ADAMTS17: variants seen among roughly 807,000 people sequenced by gnomAD.
ADAMTS17 encodes the protein A disintegrin and metalloproteinase with thrombospondin motifs 17.
Under a neutral mutation model 141.5 loss-of-function variants are expected in ADAMTS17, and 113 were observed. The observed-to-expected ratio is 0.80, with a 90% CI of 0.69 to 0.93. The LOEUF (loss-of-function observed/expected upper bound fraction) is 0.93. Ranked by LOEUF, ADAMTS17 falls within the 40% of genes least tolerant of loss-of-function variation. The pLI is 0.00. For synonymous variants in ADAMTS17, 768 were observed against 630.6 expected, an observed-to-expected ratio of 1.22 and a Z score of -3.27; for missense variants, 1,659 against 1,517.9, an observed-to-expected ratio of 1.09 and a Z score of -1.54.
intron 7 of ADAMTS17, among the ~76,000 whole-genome samples, chr15:100,205,682 T>G (rs944323901): frequency 6.6e-6 from 1 of 152,152 alleles, no homozygotes; most frequent in Middle Eastern, 3.2e-3. Context: ...AATCTCTTAT[T>G]TTGACAAACA....
At chr15:100,337,773 C>A (rs1451594805) in intron 2 of ADAMTS17, among the ~76,000 whole-genome samples, 1 of 152,252 alleles carries the variant, frequency 6.6e-6, no homozygotes, top group East Asian at 1.9e-4. Context: ...AAAACAAGTC[C>A]TCCAGCCACT....
chr15:100,053,768 G>T, intron 16 of ADAMTS17, 129 bp downstream of exon 16: 2 of 1,357,742 alleles, frequency 1.5e-6, no homozygotes, highest in Non-Finnish European at 1.1e-6. Flanking sequence ...GCAGGGGACG[G>T]CATAAACCCC....
At chr15:100,239,481 G>T (rs142819442) in intron 7 of ADAMTS17, among the ~76,000 whole-genome samples, 3 of 147,704 alleles carry the variant, frequency 2.0e-5, no homozygotes, top group African/African-American at 7.5e-5. Flanking sequence ...GCAGATCTCG[G>T]CACCGCTCCC....
chr15:100,339,148 A>T, intron 2 of ADAMTS17: 1 of 985,530 alleles, frequency 1.0e-6, no homozygotes, highest in Non-Finnish European at 1.2e-6. Context: ...CCTGTTGGCC[A>T]GGTTCCTTTA....
intron 8 of ADAMTS17, among the ~76,000 whole-genome samples, chr15:100,167,436 C>T (rs549717008): frequency 7.2e-5 from 11 of 152,178 alleles, no homozygotes; most frequent in South Asian, 2.1e-4. Flanking sequence ...GATGGTCGTG[C>T]GGATGCCGTC....
At chr15:100,209,199 C>G (rs930045037) in intron 7 of ADAMTS17, among the ~76,000 whole-genome samples, 2 of 151,578 alleles carry the variant, frequency 1.3e-5, no homozygotes, top group East Asian at 1.9e-4. Context: ...CTTAGCCCAG[C>G]AAAGCCCATT....
chr15:100,046,157 A>G (rs1378779199), intron 18 of ADAMTS17, among the ~76,000 whole-genome samples: 1 of 152,210 alleles, frequency 6.6e-6, no homozygotes, highest in Non-Finnish European at 1.5e-5. Flanking sequence ...CTGGGATTAC[A>G]GGTGTGTGCC....
At chr15:100,198,654 C>A (rs757975026) in intron 8 of ADAMTS17, among the ~76,000 whole-genome samples, 1 of 152,160 alleles carries the variant, frequency 6.6e-6, no homozygotes, top group African/African-American at 2.4e-5. Context: ...ACCCTCAGGC[C>A]ACAGTTTGAG....
intron 15 of ADAMTS17, among the ~76,000 whole-genome samples, chr15:100,073,858 T>C (rs1004936230): frequency 6.6e-6 from 1 of 151,944 alleles, no homozygotes; most frequent in Non-Finnish European, 1.5e-5. Flanking sequence ...GGCACATGTA[T>C]ACATATGTAA....
At chr15:99,979,079 C>T (rs895183740) in intron 20 of ADAMTS17, 2 of 152,242 alleles carry the variant, frequency 1.3e-5, no homozygotes. Flanking sequence ...GGTAAGGGAG[C>T]AAAGGCTTTC....
intron 15 of ADAMTS17, among the ~76,000 whole-genome samples, chr15:100,087,066 A>G (rs1303959705): frequency 6.6e-6 from 1 of 152,234 alleles, no homozygotes; most frequent in Non-Finnish European, 1.5e-5. Flanking sequence ...GATTTTTTGA[A>G]AAGATCAACA....
At chr15:100,218,701 T>G (rs1022823437) in intron 7 of ADAMTS17, among the ~76,000 whole-genome samples, 1 of 152,190 alleles carries the variant, frequency 6.6e-6, no homozygotes, top group Non-Finnish European at 1.5e-5. Context: ...AATTACCATC[T>G]GATTCAAGCA....
chr15:100,026,297 T>C (rs1006700), intron 18 of ADAMTS17, among the ~76,000 whole-genome samples: 17,556 of 152,298 alleles, frequency 0.12, 2,713 homozygotes, highest in African/African-American at 0.35. Flanking sequence ...ACTGTGGATG[T>C]GCATTTGGGT....
At chr15:100,006,413 G>C (rs2061037183) in intron 18 of ADAMTS17, among the ~76,000 whole-genome samples, 1 of 152,166 alleles carries the variant, frequency 6.6e-6, no homozygotes, top group South Asian at 2.1e-4. Context: ...TTTAAACTAG[G>C]TAAAGGCCTT....
intron 7 of ADAMTS17, among the ~76,000 whole-genome samples, chr15:100,219,894 T>C (rs950263505): frequency 2.0e-5 from 3 of 152,218 alleles, no homozygotes; most frequent in Non-Finnish European, 4.4e-5. Flanking sequence ...CTGAGCATTC[T>C]TTATAACAAG....
intron 16 of ADAMTS17, 152 bp from the exon 17 acceptor site, chr15:100,051,883 T>C (rs2032178166): frequency 1.1e-6 from 1 of 952,376 alleles, no homozygotes; most frequent in Non-Finnish European, 1.6e-6. Flanking sequence ...CTGAGGGTGC[T>C]CCTTTATCTC....
chr15:100,093,949 G>A (rs1420025888), intron 15 of ADAMTS17, among the ~76,000 whole-genome samples: 2 of 151,888 alleles, frequency 1.3e-5, no homozygotes, highest in Non-Finnish European at 2.9e-5. Flanking sequence ...ATGATGACAA[G>A]TTTGTGCTGA....
chr15:99,975,457 A>C (rs1402981062), intron 21 of ADAMTS17, among the ~76,000 whole-genome samples: 1 of 152,094 alleles, frequency 6.6e-6, no homozygotes, highest in Non-Finnish European at 1.5e-5. Context: ...TGATCCACCC[A>C]TCTCGGCCTC....
At chr15:100,045,342 G>A (rs985128965) in intron 18 of ADAMTS17, among the ~76,000 whole-genome samples, 1 of 151,880 alleles carries the variant, frequency 6.6e-6, no homozygotes, top group African/African-American at 2.4e-5. Flanking sequence ...TATATTTATA[G>A]CAGATTTCAA....
Sources: gnomAD v4.1 joint callset for allele counts (sites outside exome capture counted in the v4.1 genomes callset) on GRCh38, gnomAD v4.1.1 for gene constraint, MANE v1.5 for transcripts, NCBI Gene and HGNC (gene_info 2026-07-23, HGNC 2026-07-21) for gene names.